Variants in KIF26A observed in about 807,000 individuals in gnomAD.
The protein encoded by KIF26A is kinesin family member 26A, also known as kinesin-like protein KIF26A.
KIF26A carries 74 observed loss-of-function variants against 126.0 expected under a neutral mutation model. That is an observed-to-expected ratio of 0.59 (90% confidence interval 0.49 to 0.71). The LOEUF (loss-of-function observed/expected upper bound fraction) is 0.71. Among genes scored for constraint, KIF26A ranks in the 30% least tolerant of loss-of-function variants. The pLI, the probability that KIF26A is intolerant of heterozygous loss-of-function variation, is 0.00. For synonymous variants in KIF26A, 1,445 were observed against 1,232.7 expected (o/e 1.17, Z -3.61); for missense variants, 2,984 against 2,763.3 (o/e 1.08, Z -1.79).
intron 1 of KIF26A, 36 bp from the exon 2 acceptor site, chr14:104,139,007 A>G: frequency 1.5e-6 from 2 of 1,328,146 alleles, no homozygotes; most frequent in Non-Finnish European, 1.9e-6. Flanking sequence ...CGGACGTCCC[A>G]GGCTCACTGT....
intron 4 of KIF26A, among the ~76,000 whole-genome samples, chr14:104,166,186 C>CACAGGGGCCA (rs57861406): frequency 2.7e-5 from 4 of 145,542 alleles, no homozygotes; most frequent in African/African-American, 1.1e-4. Context: ...TGGCAGGGGC[C>CACAGGGGCCA]CAGGAGCTGG....
intron 4 of KIF26A, among the ~76,000 whole-genome samples, chr14:104,165,586 T>A (rs2141107820): frequency 8.3e-6 from 1 of 119,970 alleles, no homozygotes; most frequent in South Asian, 2.5e-4. Context: ...TGTGTGTGTC[T>A]GTGTGTCTAT....
At chr14:104,156,712 C>T (rs566558202) in intron 3 of KIF26A, among the ~76,000 whole-genome samples, 3 of 152,294 alleles carry the variant, frequency 2.0e-5, no homozygotes, top group Non-Finnish European at 2.9e-5. Flanking sequence ...CCTCCTGGGT[C>T]CCGGGGCGGC....
chr14:104,146,986 C>T (rs532176766), intron 2 of KIF26A, among the ~76,000 whole-genome samples: 17 of 152,174 alleles, frequency 1.1e-4, no homozygotes, highest in African/African-American at 3.1e-4. Context: ...CAGAGGTTTC[C>T]GGGTTTCTGC....
rs144227994 is a variant in KIF26A at position 104,178,858 on chromosome 14, G to A, written c.5316+103G>A. On this transcript the variant is annotated intron_variant, in intron 13 of 14. Transcript: ENST00000423312. ...GGCTCGCCAGGCCTCTGGGGGTGTG[G>A]CTGGGCAGCCCCTGACCTCACTTTC... The A allele has an allele frequency of 4.4e-4, 303 of 692,566 alleles. 3 individuals are homozygous for A. The African/African-American group carries it at 4.7e-3, about 11-fold the overall frequency. 42.9% of individuals were successfully genotyped at this position (692,566 alleles called of 1,614,324 possible). A position where few individuals can be genotyped will look rare whatever the true frequency, so the allele number is the denominator to read the frequency against.
chr14:104,177,784 G>A lies in KIF26A; in HGVS notation c.4996G>A (p.Asp1666Asn), dbSNP rs758241944. 2 of 1,552,922 alleles carry A rather than the reference G, an allele frequency of 1.3e-6. No homozygotes were observed. Among genetic ancestry groups the A allele is most frequent in the Non-Finnish European group, 1.7e-6 (2 of 1,156,978 alleles). Residue 1666 changes from aspartate (D) to asparagine (N), a missense_variant, in exon 12 of 15, where the codon GAC (aspartate) becomes AAC (asparagine). Coordinates refer to ENST00000423312, the MANE Select transcript of KIF26A (RefSeq NM_015656.2). ...CAGTGGCTATGAGAGCCTGCGGCGC[G>A]ACAGCGAGGCCACCGGCAGCGCCTC... The part of the protein sequence containing the change: ...GSSGYESLRR[D>N]SEATGSASSA...
chr14:104,152,299 G>C lies in KIF26A; in HGVS notation c.573G>C (p.Arg191Ser). ...AGCCAGGACGAGCTGGGCCAGACAGGACCAAGGGGCTGGCCTGGTCCCCCG... is the reference window on the plus strand; with the variant it reads ...AGCCAGGACGAGCTGGGCCAGACAGCACCAAGGGGCTGGCCTGGTCCCCCG... ...GRQPGRAGPD[R>S]TKGLAWSPGP... Residue 191 changes from arginine to serine, a missense_variant, in exon 3 of 15, where the codon AGG becomes AGC. Physicochemically the swap from Arg to Ser is moderately radical, Grantham distance 110 (BLOSUM62 -1). Coordinates refer to ENST00000423312, the MANE Select transcript of KIF26A (RefSeq NM_015656.2). This position sits in a 1 kb window ranked among gnomAD's most constrained non-coding sequence, Gnocchi z 5.9. 1 of 1,587,208 alleles carries C rather than the reference G, an allele frequency of 6.3e-7. No individual in the cohort carries two copies. The highest frequency in any genetic ancestry group is 1.3e-5 in the African/African-American group (1 of 74,450).
intron 2 of KIF26A, among the ~76,000 whole-genome samples, chr14:104,143,324 G>T (rs1309253583): frequency 6.6e-6 from 1 of 152,200 alleles, no homozygotes; most frequent in African/African-American, 2.4e-5. Context: ...CTGTGTACAG[G>T]GAATCAGTTG....
intron 3 of KIF26A, among the ~76,000 whole-genome samples, chr14:104,154,190 A>C (rs2037756228): frequency 6.6e-6 from 1 of 151,806 alleles, no homozygotes; most frequent in African/African-American, 2.4e-5. Flanking sequence ...CAGACCGTCA[A>C]CCACCCCTGG....
intron 6 of KIF26A, 148 bp downstream of exon 6, chr14:104,172,083 ACCTC>A (rs2037963799): frequency 2.6e-6 from 2 of 774,478 alleles, no homozygotes; most frequent in South Asian, 3.7e-5. Context: ...CTGCCTGCTT[ACCTC>A]CCTCATCGTC....
chr14:104,146,219 G>T (rs2037679409), intron 2 of KIF26A, among the ~76,000 whole-genome samples: 1 of 152,226 alleles, frequency 6.6e-6, no homozygotes, highest in Admixed American at 6.5e-5. Context: ...CTAGGGCTGT[G>T]CAGGGAGGCC....
intron 4 of KIF26A, among the ~76,000 whole-genome samples, chr14:104,163,502 G>A (rs1011058401): frequency 1.3e-5 from 2 of 152,048 alleles, no homozygotes; most frequent in Non-Finnish European, 2.9e-5. Flanking sequence ...CAGAGACGAG[G>A]CTTAGGCACG....
rs1233337535 is a variant in KIF26A at position 104,174,902 on chromosome 14, C to T, written c.2194-80C>T. 3.6e-6 allele frequency: 5 copies of T among 1,391,750 alleles called. No homozygotes were observed. The African/African-American group carries it at 4.3e-5, about 12-fold the overall frequency. The allele number at this position is 1,391,750 out of a possible 1,614,324, so 86.2% of individuals were successfully genotyped here. ...TTCATCACAGTGACCGCAGCATTGG[C>T]CCTGTGCTCTGGGGAGGGTCGGGGA... On this transcript the variant is annotated intron_variant, in intron 11 of 14. Transcript: ENST00000423312.
At chr14:104,168,803 T>G (rs2037930745) in intron 5 of KIF26A, among the ~76,000 whole-genome samples, 1 of 152,060 alleles carries the variant, frequency 6.6e-6, no homozygotes, top group Admixed American at 6.5e-5. Flanking sequence ...GTGGCCTGGA[T>G]CAGGGACTTG....
At chr14:104,172,109 C>A (rs2037964382) in intron 6 of KIF26A, among the ~76,000 whole-genome samples, 174 bp downstream of exon 6, 1 of 152,248 alleles carries the variant, frequency 6.6e-6, no homozygotes, top group Non-Finnish European at 1.5e-5. Flanking sequence ...TGGCCAGCGT[C>A]CTTGGGTGTC....
chr14:104,172,469 C>T (rs997395037), intron 6 of KIF26A, 106 bp from the exon 7 acceptor site: 35 of 726,568 alleles, frequency 4.8e-5, no homozygotes, highest in Non-Finnish European at 3.2e-5. Flanking sequence ...AGCCCAATCT[C>T]CTTGTGGGTC....
intron 2 of KIF26A, among the ~76,000 whole-genome samples, chr14:104,140,025 G>T (rs1158061510): frequency 6.6e-6 from 1 of 152,136 alleles, no homozygotes; most frequent in Non-Finnish European, 1.5e-5. Context: ...GGCTGGGGGC[G>T]GGTGGGGGTC....
Position 104,152,228 on chromosome 14 carries a change from A to G in KIF26A, c.502A>G (p.Thr168Ala). ...CAGCCTCGCACCCCCCAGCACCACG[A>G]CCAGCTCGAGGGACACGCCAGGACC... ...GPSLAPPSTT[T>A]SSRDTPGPAG... The change falls in exon 3 of 15, where the codon ACC (threonine) becomes GCC (alanine). Residue 168 changes from threonine to alanine, a missense_variant. Coordinates refer to ENST00000423312, the MANE Select transcript of KIF26A (RefSeq NM_015656.2). This position sits in a 1 kb window ranked among gnomAD's most constrained non-coding sequence, Gnocchi z 5.9. 6.3e-7 allele frequency: 1 copy of G among 1,599,698 alleles called. No homozygotes were observed. Among genetic ancestry groups the G allele is most frequent in the Non-Finnish European group, 8.5e-7 (1 of 1,175,024 alleles).
intron 3 of KIF26A, among the ~76,000 whole-genome samples, chr14:104,156,304 G>A (rs1351380344): frequency 2.6e-5 from 4 of 152,224 alleles, no homozygotes; most frequent in African/African-American, 9.6e-5. Flanking sequence ...GCTGGGAGAA[G>A]GAGAGGGCTG....
Sources: allele counts gnomAD v4.1 joint callset (sites outside exome capture counted in the v4.1 genomes callset), GRCh38; gene constraint gnomAD v4.1.1; non-coding constraint Gnocchi (gnomAD v3.1); transcripts MANE v1.5; gene names NCBI Gene and HGNC (gene_info 2026-07-23, HGNC 2026-07-21).